The following GALNT13 variants were observed in gnomAD, a reference collection of about 807,000 sequenced individuals.
GALNT13 encodes the protein polypeptide N-acetylgalactosaminyltransferase 13.
GALNT13 carries 28 observed loss-of-function variants against 64.2 expected under a neutral mutation model. That is an observed-to-expected ratio of 0.44 (90% CI 0.32 to 0.60). The LOEUF (loss-of-function observed/expected upper bound fraction) is 0.60. GALNT13 is among the 20% of genes least tolerant of loss of function. The pLI is 0.05. For synonymous variants in GALNT13, 214 were observed against 224.6 expected, an observed-to-expected ratio of 0.95 and a Z score of 0.42; for missense variants, 577 against 669.8, an observed-to-expected ratio of 0.86 and a Z score of 1.53.
chr2:153,630,762 CATATATATATATATATATATAT>C, the GALNT13 span, among the ~76,000 whole-genome samples: 1 of 32,140 alleles, frequency 3.1e-5, no homozygotes, highest in Non-Finnish European at 5.5e-5. Flanking sequence ...TTTTAGGCTT[CATATATATATATATATATATAT>C]ATATATATAT....
At chr2:153,888,478 C>A (rs1324676717) in intron 1 of GALNT13, among the ~76,000 whole-genome samples, 1 of 151,694 alleles carries the variant, frequency 6.6e-6, no homozygotes, top group Non-Finnish European at 1.5e-5. Context: ...ATTTTTAAAA[C>A]CTATTAGAAC....
chr2:153,824,293 C>G, the GALNT13 span, among the ~76,000 whole-genome samples: 1 of 152,032 alleles, frequency 6.6e-6, no homozygotes, highest in South Asian at 2.1e-4. Flanking sequence ...TAAATTAGTT[C>G]AACCACTGTG....
intron 12 of GALNT13, chr2:154,445,781 A>G (rs1214417908): frequency 7.8e-7 from 1 of 1,285,698 alleles, no homozygotes; most frequent in Non-Finnish European, 1.0e-6. Flanking sequence ...CTGGTCTTTC[A>G]CTAAGTGTTT....
chr2:153,652,203 A>T, the GALNT13 span, among the ~76,000 whole-genome samples: 4 of 152,216 alleles, frequency 2.6e-5, no homozygotes, highest in African/African-American at 9.6e-5. Flanking sequence ...CTTAGGGTTT[A>T]AACAAATATA....
intron 3 of GALNT13, among the ~76,000 whole-genome samples, chr2:154,006,399 T>C (rs1436995705): frequency 6.6e-6 from 1 of 152,234 alleles, no homozygotes; most frequent in African/African-American, 2.4e-5. Context: ...TGTTTTCTAA[T>C]AATTCATCAC....
the GALNT13 span, among the ~76,000 whole-genome samples, chr2:153,285,248 T>G: frequency 6.6e-6 from 1 of 152,082 alleles, no homozygotes; most frequent in East Asian, 1.9e-4. Context: ...GCCCCCATGG[T>G]CCAATTACCT....
At chr2:153,091,952 C>G in the GALNT13 span, among the ~76,000 whole-genome samples, 1 of 152,228 alleles carries the variant, frequency 6.6e-6, no homozygotes, top group East Asian at 1.9e-4. Context: ...CCAATGTTTT[C>G]TGATAGTAGT....
At chr2:153,682,452 T>A in the GALNT13 span, among the ~76,000 whole-genome samples, 2 of 151,744 alleles carry the variant, frequency 1.3e-5, no homozygotes, top group Non-Finnish European at 3.0e-5. Context: ...GGCTTCCAAC[T>A]GTTTACTTAA....
chr2:153,820,170 T>A, the GALNT13 span, among the ~76,000 whole-genome samples: 7 of 152,162 alleles, frequency 4.6e-5, no homozygotes, highest in African/African-American at 1.4e-4. Context: ...TGGTCTTTTT[T>A]AAAAACAAAC....
the GALNT13 span, among the ~76,000 whole-genome samples, chr2:153,258,834 A>G: frequency 3.9e-5 from 6 of 152,108 alleles, no homozygotes; most frequent in African/African-American, 7.2e-5. Flanking sequence ...ACTTGATATA[A>G]TTTCATTTTT....
At chr2:153,732,313 C>G in the GALNT13 span, among the ~76,000 whole-genome samples, 19 of 152,062 alleles carry the variant, frequency 1.2e-4, no homozygotes, top group African/African-American at 4.6e-4. Context: ...AATCATTTGC[C>G]TAACTGATGT....
chr2:153,706,512 C>T, the GALNT13 span, among the ~76,000 whole-genome samples: 421 of 152,228 alleles, frequency 2.8e-3, 3 homozygotes, highest in African/African-American at 9.6e-3. Context: ...TAACATTACA[C>T]GACCAGTGAA....
chr2:153,630,623 A>G, the GALNT13 span, among the ~76,000 whole-genome samples: 2 of 149,324 alleles, frequency 1.3e-5, no homozygotes, highest in Non-Finnish European at 3.0e-5. Flanking sequence ...CATTGTGCAC[A>G]TGTACCCTAA....
At chr2:153,672,369 A>C in the GALNT13 span, among the ~76,000 whole-genome samples, 1 of 152,230 alleles carries the variant, frequency 6.6e-6, no homozygotes, top group African/African-American at 2.4e-5. Flanking sequence ...ACCACAGTGC[A>C]ATCAAATTAG....
the GALNT13 span, among the ~76,000 whole-genome samples, chr2:153,675,828 A>G: frequency 1.3e-5 from 2 of 152,188 alleles, no homozygotes; most frequent in Non-Finnish European, 2.9e-5. Context: ...GAAATCAAAG[A>G]TACAACTTAC....
At chr2:153,603,645 T>A in the GALNT13 span, among the ~76,000 whole-genome samples, 2 of 152,138 alleles carry the variant, frequency 1.3e-5, no homozygotes, top group African/African-American at 4.8e-5. Context: ...AATCCTCAAC[T>A]TTTCCTATTA....
the GALNT13 span, among the ~76,000 whole-genome samples, chr2:153,666,543 G>C: frequency 6.6e-6 from 1 of 152,144 alleles, no homozygotes; most frequent in African/African-American, 2.4e-5. Context: ...TCAGAGAACA[G>C]AGTGCTGAGC....
chr2:153,876,569 A>G (rs1387353469), intron 1 of GALNT13, among the ~76,000 whole-genome samples: 1 of 152,012 alleles, frequency 6.6e-6, no homozygotes, highest in Non-Finnish European at 1.5e-5. Flanking sequence ...TAATCACTTG[A>G]TATTTGTTTC....
the GALNT13 span, among the ~76,000 whole-genome samples, chr2:153,785,166 A>G: frequency 6.6e-6 from 1 of 151,928 alleles, no homozygotes; most frequent in African/African-American, 2.4e-5. Context: ...CAGGCTTTGG[A>G]GAGTCCGAAG....
Sources: allele counts gnomAD v4.1 joint callset (sites outside exome capture counted in the v4.1 genomes callset), GRCh38; gene constraint gnomAD v4.1.1; transcripts MANE v1.5; gene names NCBI Gene and HGNC (gene_info 2026-07-23, HGNC 2026-07-21).